Variants in ASIC2 observed in about 807,000 individuals in gnomAD.
ASIC2 encodes the protein acid sensing ion channel subunit 2, also known as acid-sensing ion channel 2.
In ASIC2, 25 loss-of-function variants were observed where a neutral mutation model predicts 57.3. That is an observed-to-expected ratio of 0.44 (90% CI 0.32 to 0.61). The LOEUF is 0.61. Ranked by LOEUF, ASIC2 falls within the 20% of genes least tolerant of loss-of-function variation. ASIC2 has a pLI of 0.06. For synonymous variants in ASIC2, 319 were observed against 307.5 expected, an observed-to-expected ratio of 1.04 and a Z score of -0.39; for missense variants, 641 against 738.1, an observed-to-expected ratio of 0.87 and a Z score of 1.52.
At chr17:34,014,984 A>G (rs1206627391) in intron 1 of ASIC2, among the ~76,000 whole-genome samples, 11 of 151,806 alleles carry the variant, frequency 7.2e-5, no homozygotes. Context: ...TCACAGGCTC[A>G]AACAATCCTC....
At chr17:34,028,298 A>G (rs764661021) in intron 1 of ASIC2, among the ~76,000 whole-genome samples, 3 of 152,220 alleles carry the variant, frequency 2.0e-5, no homozygotes, top group Non-Finnish European at 4.4e-5. Context: ...TAGGAGGAAC[A>G]AAGAGTTCTT....
intron 1 of ASIC2, among the ~76,000 whole-genome samples, chr17:33,736,465 C>T (rs1425982831): frequency 6.6e-6 from 1 of 152,122 alleles, no homozygotes; most frequent in Non-Finnish European, 1.5e-5. Flanking sequence ...CAAGACAGCC[C>T]CCTGCCTCAG....
intron 1 of ASIC2, among the ~76,000 whole-genome samples, chr17:34,075,852 A>T (rs1909624585): frequency 9.3e-6 from 1 of 107,470 alleles, no homozygotes. Flanking sequence ...TTTTTTTGAG[A>T]CAGAGTCTTG....
chr17:33,241,515 C>T (rs1908506913), intron 1 of ASIC2, among the ~76,000 whole-genome samples: 1 of 152,220 alleles, frequency 6.6e-6, no homozygotes, highest in Non-Finnish European at 1.5e-5. Context: ...TTAGGAAGAT[C>T]ATTTCCTCAT....
chr17:34,151,117 AAAAAAAAAT>A (rs1186714467), intron 1 of ASIC2, among the ~76,000 whole-genome samples: 2 of 148,136 alleles, frequency 1.4e-5, no homozygotes, highest in African/African-American at 2.4e-5. Context: ...AAAAAAAAAA[AAAAAAAAAT>A]AAAGAGGTAG....
intron 1 of ASIC2, among the ~76,000 whole-genome samples, chr17:33,206,300 G>A (rs985692835): frequency 3.3e-5 from 5 of 152,102 alleles, no homozygotes; most frequent in African/African-American, 1.2e-4. Flanking sequence ...TGGGATTGGA[G>A]GGAGGGAGGG....
At chr17:33,702,308 A>AGGG (rs139048603) in intron 1 of ASIC2, among the ~76,000 whole-genome samples, 7 of 152,182 alleles carry the variant, frequency 4.6e-5, no homozygotes, top group African/African-American at 1.7e-4. Flanking sequence ...CTGGGGTTAG[A>AGGG]GGGGGGGTAT....
intron 1 of ASIC2, among the ~76,000 whole-genome samples, chr17:33,653,625 G>C (rs950466794): frequency 6.6e-6 from 1 of 152,116 alleles, no homozygotes; most frequent in African/African-American, 2.4e-5. Flanking sequence ...ATTTGGTATT[G>C]TTCTTTTGTT....
intron 1 of ASIC2, among the ~76,000 whole-genome samples, chr17:33,247,800 C>A (rs992684349): frequency 1.3e-5 from 2 of 152,140 alleles, no homozygotes; most frequent in African/African-American, 4.8e-5. Flanking sequence ...CATGCATGCA[C>A]TCATTTTTCT....
At chr17:33,105,381 C>T (rs2092230913) in intron 2 of ASIC2, among the ~76,000 whole-genome samples, 1 of 152,232 alleles carries the variant, frequency 6.6e-6, no homozygotes, top group African/African-American at 2.4e-5. Context: ...TGTGCCTTTG[C>T]TCCTCCTTCA....
chr17:34,002,077 C>G (rs376673215), intron 1 of ASIC2: 1 of 152,260 alleles, frequency 6.6e-6, no homozygotes, highest in African/African-American at 2.4e-5. Flanking sequence ...GCCATGCCTT[C>G]CAGGCAGCCT....
chr17:34,122,606 G>A (rs1341267676), intron 1 of ASIC2, among the ~76,000 whole-genome samples: 2 of 152,174 alleles, frequency 1.3e-5, no homozygotes, highest in Admixed American at 6.5e-5. Flanking sequence ...CACTAGCAGG[G>A]GCAAAAGAGG....
At chr17:34,033,488 A>G (rs1267062247) in intron 1 of ASIC2, among the ~76,000 whole-genome samples, 1 of 152,222 alleles carries the variant, frequency 6.6e-6, no homozygotes, top group Non-Finnish European at 1.5e-5. Flanking sequence ...TTCAAAAGCT[A>G]GCAGAAGGCA....
At position 33,645,686 on chromosome 17, in the gene ASIC2, G is replaced by A. The variant is rs1186013396; in HGVS notation, c.555+510292C>T. On this transcript the variant is annotated intron_variant, in intron 1 of 9. Transcript: ENST00000359872. ...GGTATCTGACCTTTGCAGGCCAAAG[G>A]GCCAGTTTCTGTTGAGTTCTGATAA... Among the ~76,000 whole-genome samples the A allele has an allele frequency of 2.0e-5, 3 of 151,972 alleles. No individual in the cohort carries two copies. The East Asian group carries it at 5.8e-4, about 29-fold the overall frequency.
chr17:33,682,256 G>A lies in ASIC2; in HGVS notation c.555+473722C>T, dbSNP rs565466000. On this transcript the variant is annotated intron_variant, in intron 1 of 9. Coordinates refer to the ASIC2 transcript ENST00000359872. ...TTTTTTTTTTATTTTTAGTAGAGAC[G>A]GGGTTTCACCATGTTAGCCAGGATG... Among the ~76,000 whole-genome samples the A allele has an allele frequency of 1.9e-3, 285 of 151,226 alleles. 2 individuals are homozygous for A. Among genetic ancestry groups the A allele is most frequent in the Middle Eastern group, 3.4e-3 (1 of 294 alleles).
chr17:33,242,917 T>A (rs1247431967), intron 1 of ASIC2, among the ~76,000 whole-genome samples: 2 of 152,302 alleles, frequency 1.3e-5, no homozygotes, highest in Admixed American at 1.3e-4. Context: ...TTGGTTTACC[T>A]GCAAGCCACA....
At position 33,680,424 on chromosome 17, in the gene ASIC2, A is replaced by C. The variant is rs531069268; in HGVS notation, c.555+475554T>G. On this transcript the variant is annotated intron_variant, in intron 1 of 9. Transcript: ENST00000359872. ...AGACTACGCAGGCTTTCAGAAGTGC[A>C]TTCCATACGGAGTGGGGTGGCCTCC... is the stretch of plus-strand genomic sequence containing the variant. Among the ~76,000 whole-genome samples the C allele has an allele frequency of 1.6e-3, 243 of 152,150 alleles. 1 individual carries two copies. Among genetic ancestry groups the C allele is most frequent in the Middle Eastern group, 6.8e-3 (2 of 292 alleles).
At chr17:33,855,890 C>T (rs1913914178) in intron 1 of ASIC2, among the ~76,000 whole-genome samples, 1 of 152,066 alleles carries the variant, frequency 6.6e-6, no homozygotes, top group African/African-American at 2.4e-5. Context: ...TCATTTTGCA[C>T]AATCCAACCC....
intron 1 of ASIC2, among the ~76,000 whole-genome samples, chr17:33,662,420 A>G (rs2142045562): frequency 6.6e-6 from 1 of 152,124 alleles, no homozygotes; most frequent in African/African-American, 2.4e-5. Context: ...CAGGAGTTTG[A>G]GACCAGCCTG....
Sources: allele counts gnomAD v4.1 joint callset (sites outside exome capture counted in the v4.1 genomes callset), GRCh38; gene constraint gnomAD v4.1.1; transcripts MANE v1.5; gene names NCBI Gene and HGNC (gene_info 2026-07-23, HGNC 2026-07-21).